Variants in SH3D19 observed in about 807,000 individuals in gnomAD.
The protein encoded by SH3D19 is SH3 domain containing 19, also known as SH3 domain-containing protein 19.
Under a neutral mutation model 112.1 loss-of-function variants are expected in SH3D19, and 58 were observed. The ratio of observed to expected loss-of-function variants is 0.52; its 90% confidence interval spans 0.42 to 0.64. The LOEUF (loss-of-function observed/expected upper bound fraction) is 0.64. Among genes scored for constraint, SH3D19 ranks in the 30% least tolerant of loss-of-function variants. The pLI, the probability that SH3D19 is intolerant of heterozygous loss-of-function variation, is 0.00. For missense variants in SH3D19, 1,090 were observed against 1,263.4 expected (o/e 0.86, Z 2.08); for synonymous variants, 391 against 448.5 (o/e 0.87, Z 1.62).
intron 1 of SH3D19, among the ~76,000 whole-genome samples, chr4:151,246,712 A>G (rs1770972538): frequency 6.6e-6 from 1 of 152,162 alleles, no homozygotes; most frequent in South Asian, 2.1e-4. Flanking sequence ...TGACCTTCTC[A>G]AGAGCCCTAT....
intron 2 of SH3D19, among the ~76,000 whole-genome samples, chr4:151,200,983 T>TAACAATAGTTGATTC (rs1764318818): frequency 6.6e-6 from 1 of 152,258 alleles, no homozygotes; most frequent in Admixed American, 6.5e-5. Context: ...CCCCAGATGT[T>TAACAATAGTTGATTC]AACAATAGTT....
intron 2 of SH3D19, among the ~76,000 whole-genome samples, chr4:151,195,837 C>T (rs967342976): frequency 6.1e-5 from 9 of 148,394 alleles, no homozygotes; most frequent in East Asian, 2.0e-4. Context: ...TTAGATCATA[C>T]GTAAAGAAAA....
At chr4:151,311,136 TA>T (rs1729419846) in intron 1 of SH3D19, among the ~76,000 whole-genome samples, 1 of 151,344 alleles carries the variant, frequency 6.6e-6, no homozygotes, top group African/African-American at 2.4e-5. Flanking sequence ...TATATACATG[TA>T]TATATGTATA....
In SH3D19 at chr4:151,176,943, G is replaced by T. The variant is rs993040776; in HGVS notation, c.249C>A (p.Ile83=). The change falls in exon 5 of 20, where the codon ATC becomes ATA. Residue 83 remains isoleucine, a synonymous_variant. Transcript: ENST00000604030. ...ELHRDRRRPE[I]TIVAAEPLRP... is the part of the protein sequence containing the mutation. Reference sequence around the variant, plus strand: ...TCAGTGGCTCAGCTGCCACAATGGTGATCTCTGGGCGCCTAGTGGACAGAA... The same window carrying T: ...TCAGTGGCTCAGCTGCCACAATGGTTATCTCTGGGCGCCTAGTGGACAGAA... 297 of 1,232,088 alleles carry T rather than the reference G, an allele frequency of 2.4e-4. No homozygotes were observed. Among genetic ancestry groups the T allele is most frequent in the Non-Finnish European group, 2.9e-4 (285 of 987,990 alleles). 76.3% of individuals were successfully genotyped at this position (1,232,088 alleles called of 1,614,324 possible). A position where few individuals can be genotyped will look rare whatever the true frequency, so the allele number is the denominator to read the frequency against.
intron 2 of SH3D19, among the ~76,000 whole-genome samples, chr4:151,203,486 A>G (rs1764679143): frequency 6.6e-6 from 1 of 152,220 alleles, no homozygotes; most frequent in Non-Finnish European, 1.5e-5. Context: ...AATTCAGGAA[A>G]CACTCACTGA....
chr4:151,186,712 C>T (rs1022776458), intron 3 of SH3D19, among the ~76,000 whole-genome samples: 1 of 152,052 alleles, frequency 6.6e-6, no homozygotes, highest in Non-Finnish European at 1.5e-5. Context: ...GCTGGGATTA[C>T]AGGCATGAGC....
At chr4:151,300,209 A>G (rs1170184035) in intron 1 of SH3D19, among the ~76,000 whole-genome samples, 2 of 152,090 alleles carry the variant, frequency 1.3e-5, no homozygotes, top group Admixed American at 6.5e-5. Context: ...CTCAAAAAAA[A>G]AAAATGTCAA....
At chr4:151,221,427 G>T (rs1768022375) in intron 2 of SH3D19, among the ~76,000 whole-genome samples, 1 of 152,216 alleles carries the variant, frequency 6.6e-6, no homozygotes, top group African/African-American at 2.4e-5. Context: ...GCTGAGGATG[G>T]CAGGAGAACA....
At chr4:151,206,163 C>G (rs527869961) in intron 2 of SH3D19, among the ~76,000 whole-genome samples, 1 of 152,306 alleles carries the variant, frequency 6.6e-6, no homozygotes, top group Non-Finnish European at 1.5e-5. Flanking sequence ...TAAATAGTAT[C>G]AGAAAATGAT....
chr4:151,138,955 G>A (rs1752447511), intron 13 of SH3D19, among the ~76,000 whole-genome samples: 1 of 151,756 alleles, frequency 6.6e-6, no homozygotes, highest in Admixed American at 6.6e-5. Flanking sequence ...AGCCTCCCAA[G>A]TAGCTGGGAT....
chr4:151,296,768 G>A (rs1288313902), intron 1 of SH3D19, among the ~76,000 whole-genome samples: 3 of 152,188 alleles, frequency 2.0e-5, no homozygotes, highest in Non-Finnish European at 4.4e-5. Context: ...AATAAAGGTT[G>A]CTAAAAATCC....
chr4:151,198,101 C>T (rs1026883869), intron 2 of SH3D19, among the ~76,000 whole-genome samples: 1 of 151,260 alleles, frequency 6.6e-6, no homozygotes, highest in South Asian at 2.1e-4. Flanking sequence ...GTTAGCAGAT[C>T]GAGACAATCC....
intron 1 of SH3D19, among the ~76,000 whole-genome samples, chr4:151,306,438 G>C (rs768878162): frequency 2.0e-4 from 30 of 152,052 alleles, no homozygotes; most frequent in Non-Finnish European, 4.0e-4. Context: ...CACATATTTA[G>C]TATAAATAAA....
chr4:151,318,230 G>A (rs1419746435), intron 1 of SH3D19, among the ~76,000 whole-genome samples: 1 of 150,038 alleles, frequency 6.7e-6, no homozygotes, highest in African/African-American at 2.5e-5. Context: ...GAACCTGGGA[G>A]GCAGAGGTTG....
At chr4:151,179,748 A>G (rs892710815) in intron 3 of SH3D19, among the ~76,000 whole-genome samples, 2 of 152,254 alleles carry the variant, frequency 1.3e-5, no homozygotes, top group Non-Finnish European at 2.9e-5. Context: ...ATGGGCAGAA[A>G]AAATTTTAAA....
At chr4:151,212,765 T>C (rs761083915) in intron 2 of SH3D19, among the ~76,000 whole-genome samples, 2 of 152,238 alleles carry the variant, frequency 1.3e-5, no homozygotes, top group Non-Finnish European at 2.9e-5. Context: ...AGTCTTATTA[T>C]TTAAGAAATA....
At chr4:151,124,672 C>T (rs1250954473) in intron 19 of SH3D19, among the ~76,000 whole-genome samples, 3 of 151,860 alleles carry the variant, frequency 2.0e-5, no homozygotes, top group South Asian at 2.1e-4. Flanking sequence ...GAGCCGAGAT[C>T]GCGCCGCTGA....
At chr4:151,123,826 A>G (rs1215642453) in intron 19 of SH3D19, among the ~76,000 whole-genome samples, 1 of 152,150 alleles carries the variant, frequency 6.6e-6, no homozygotes, top group Non-Finnish European at 1.5e-5. Context: ...GACTACCTTT[A>G]TTGGGCTAAA....
At chr4:151,185,123 C>G (rs570849892) in intron 3 of SH3D19, among the ~76,000 whole-genome samples, 4 of 133,512 alleles carry the variant, frequency 3.0e-5, no homozygotes, top group African/African-American at 1.1e-4. Context: ...TGAGCAAGAT[C>G]TATCTTGGGG....
Sources: gnomAD v4.1 joint callset for allele counts (sites outside exome capture counted in the v4.1 genomes callset) on GRCh38, gnomAD v4.1.1 for gene constraint, MANE v1.5 for transcripts, NCBI Gene and HGNC (gene_info 2026-07-23, HGNC 2026-07-21) for gene names.